ABHD17C: variants seen among roughly 807,000 people sequenced by gnomAD.
ABHD17C encodes the protein alpha/beta hydrolase domain-containing protein 17C.
A neutral mutation model predicts 27.9 loss-of-function variants in ABHD17C; 11 were observed. The observed-to-expected ratio is 0.39, with a 90% confidence interval of 0.25 to 0.65. The LOEUF (loss-of-function observed/expected upper bound fraction) is 0.65, where lower values mean the gene tolerates loss of function less well. ABHD17C is among the 30% of genes least tolerant of loss of function. ABHD17C has a pLI of 0.45. For missense variants in ABHD17C, 280 were observed against 470.2 expected, an observed-to-expected ratio of 0.60 and a Z score of 3.74; for synonymous variants, 233 against 209.1, an observed-to-expected ratio of 1.11 and a Z score of -0.98.
At chr15:80,729,056 A>G (rs1307668720) in intron 1 of ABHD17C, among the ~76,000 whole-genome samples, 2 of 152,260 alleles carry the variant, frequency 1.3e-5, no homozygotes, top group African/African-American at 4.8e-5. Context: ...AGATTGTTAG[A>G]CTATAAGACC....
At chr15:80,752,496 GCTTCAGTTT>G (rs1895377965) in intron 2 of ABHD17C, among the ~76,000 whole-genome samples, 1 of 152,150 alleles carries the variant, frequency 6.6e-6, no homozygotes, top group Admixed American at 6.5e-5. Flanking sequence ...ATCTCTCTGA[GCTTCAGTTT>G]CCTCCTTGAT....
intron 1 of ABHD17C, among the ~76,000 whole-genome samples, chr15:80,729,226 T>C (rs919988580): frequency 6.6e-6 from 1 of 152,200 alleles, no homozygotes; most frequent in Non-Finnish European, 1.5e-5. Flanking sequence ...CTAGCCAGCA[T>C]GTATGCGTGT....
At chr15:80,713,354 C>CTTTT (rs67320992) in intron 1 of ABHD17C, among the ~76,000 whole-genome samples, 4 of 43,842 alleles carry the variant, frequency 9.1e-5, no homozygotes, top group African/African-American at 3.0e-4. Flanking sequence ...AGGTCTTGTT[C>CTTTT]TTTTTTTTTT....
intron 1 of ABHD17C, among the ~76,000 whole-genome samples, chr15:80,741,451 C>T (rs1042437678): frequency 1.3e-5 from 2 of 151,148 alleles, no homozygotes; most frequent in Admixed American, 1.4e-4. Context: ...AAGTTGAGAA[C>T]TTCCTATTCA....
chr15:80,714,923 A>G (rs2170881), intron 1 of ABHD17C, among the ~76,000 whole-genome samples: 15,599 of 152,236 alleles, frequency 0.1, 1,511 homozygotes, highest in East Asian at 0.57. Flanking sequence ...AGTACTTGAT[A>G]TATGTCAGGT....
intron 1 of ABHD17C, among the ~76,000 whole-genome samples, chr15:80,742,142 A>T (rs1405191715): frequency 6.6e-6 from 1 of 152,222 alleles, no homozygotes; most frequent in Non-Finnish European, 1.5e-5. Context: ...TACTGTATAT[A>T]CATATATAAG....
intron 1 of ABHD17C, among the ~76,000 whole-genome samples, chr15:80,720,965 G>T (rs1340612952): frequency 1.3e-5 from 2 of 151,824 alleles, no homozygotes; most frequent in Non-Finnish European, 2.9e-5. Flanking sequence ...ACTTAATGGG[G>T]GCCCTTACCG....
At chr15:80,722,049 C>G (rs1294075578) in intron 1 of ABHD17C, among the ~76,000 whole-genome samples, 1 of 152,102 alleles carries the variant, frequency 6.6e-6, no homozygotes. Flanking sequence ...CTCTGGGATT[C>G]AGGTGGTTTC....
chr15:80,709,572 C>T (rs760027434), intron 1 of ABHD17C, among the ~76,000 whole-genome samples: 18 of 152,014 alleles, frequency 1.2e-4, no homozygotes, highest in Non-Finnish European at 2.1e-4. Context: ...GCATACTCCT[C>T]GAAGACTCGC....
intron 1 of ABHD17C, among the ~76,000 whole-genome samples, chr15:80,717,397 A>T (rs925544556): frequency 7.6e-5 from 11 of 143,858 alleles, no homozygotes; most frequent in Admixed American, 2.1e-4. Context: ...ATTACAACAA[A>T]TTTTTTTTTT....
rs1895409909 is a variant in ABHD17C at position 80,754,591 on chromosome 15, T to A, written c.*221T>A. On this transcript the variant is annotated 3_prime_UTR_variant, in exon 3 of 3. Transcript: ENST00000258884. ...AACTGAACAGTCGTGATTCCCAGCTTCATTACCTTGCAGGAATGGGAATGA... is the reference window on the plus strand; with the variant it reads ...AACTGAACAGTCGTGATTCCCAGCTACATTACCTTGCAGGAATGGGAATGA... The A allele has an allele frequency of 2.0e-6, 1 of 510,902 alleles. No individual in the cohort carries two copies. Among genetic ancestry groups the A allele is most frequent in the Non-Finnish European group, 3.5e-6 (1 of 286,228 alleles). The allele number at this position is 510,902 out of a possible 1,614,324, so 31.6% of individuals were successfully genotyped here.
At chr15:80,703,750 T>G (rs1479824413) in intron 1 of ABHD17C, among the ~76,000 whole-genome samples, 2 of 152,090 alleles carry the variant, frequency 1.3e-5, no homozygotes, top group African/African-American at 4.8e-5. Flanking sequence ...TTGTTAAGAG[T>G]TGAAAAAAAT....
At chr15:80,730,166 T>C (rs1164087046) in intron 1 of ABHD17C, among the ~76,000 whole-genome samples, 1 of 151,638 alleles carries the variant, frequency 6.6e-6, no homozygotes, top group Non-Finnish European at 1.5e-5. Flanking sequence ...ATAGACATAA[T>C]GGTGGTTATA....
intron 1 of ABHD17C, among the ~76,000 whole-genome samples, chr15:80,745,940 G>T (rs924948220): frequency 1.3e-5 from 2 of 152,144 alleles, no homozygotes; most frequent in African/African-American, 4.8e-5. Context: ...GCACTTATTT[G>T]TGTGTTGAAT....
intron 1 of ABHD17C, among the ~76,000 whole-genome samples, chr15:80,712,140 A>G (rs1015962912): frequency 2.8e-4 from 42 of 152,130 alleles, no homozygotes; most frequent in Non-Finnish European, 2.5e-4. Flanking sequence ...GTTACTGATG[A>G]CTGTACCTGG....
intron 1 of ABHD17C, among the ~76,000 whole-genome samples, chr15:80,747,273 A>T (rs1377776602): frequency 1.3e-5 from 2 of 152,108 alleles, no homozygotes; most frequent in Non-Finnish European, 2.9e-5. Context: ...TTGGGGTCGT[A>T]GACTGCTTTG....
At chr15:80,712,308 G>T (rs72736104) in intron 1 of ABHD17C, among the ~76,000 whole-genome samples, 1 of 152,194 alleles carries the variant, frequency 6.6e-6, no homozygotes, top group African/African-American at 2.4e-5. Context: ...TTCAGGTTCA[G>T]GATGTGGGGC....
Position 80,699,214 on chromosome 15 carries a change from A to G in ABHD17C, c.590+3195A>G, listed in dbSNP as rs189920299. On this transcript the variant is annotated intron_variant, in intron 1 of 2. Coordinates refer to ENST00000258884, the MANE Select transcript of ABHD17C (RefSeq NM_021214.2). The stretch of plus-strand genomic sequence containing the variant: ...ACTAAATTGGAAGATCTCTGAGGGC[A>G]GGGACACTATGTCTTCTCTATTCCT... Among the ~76,000 whole-genome samples, 4 of 152,350 alleles carry G rather than the reference A, an allele frequency of 2.6e-5. No individual in the cohort carries two copies. In the East Asian group the frequency reaches 7.7e-4, roughly 29 times the overall value.
intron 1 of ABHD17C, among the ~76,000 whole-genome samples, chr15:80,734,806 A>G (rs2141513606): frequency 6.6e-6 from 1 of 152,354 alleles, no homozygotes; most frequent in African/African-American, 2.4e-5. Context: ...ATGAAGCATC[A>G]TACATTAAGG....
Sources: gnomAD v4.1 joint callset for allele counts (sites outside exome capture counted in the v4.1 genomes callset) on GRCh38, gnomAD v4.1.1 for gene constraint, MANE v1.5 for transcripts, NCBI Gene and HGNC (gene_info 2026-07-23, HGNC 2026-07-21) for gene names.